FAM13B: variants seen among roughly 807,000 people sequenced by gnomAD.
FAM13B encodes the protein family with sequence similarity 13 member B.
Under a neutral mutation model 117.3 loss-of-function variants are expected in FAM13B, and 60 were observed. That is an observed-to-expected ratio of 0.51 (90% CI 0.42 to 0.63). FAM13B has a LOEUF of 0.63. Ranked by LOEUF, FAM13B falls within the 30% of genes least tolerant of loss-of-function variation. FAM13B has a pLI of 0.00. For missense variants in FAM13B, 972 were observed against 1,091.9 expected (o/e 0.89, Z 1.55); for synonymous variants, 332 against 356.1 (o/e 0.93, Z 0.76).
chr5:137,973,619 T>C (rs914058997), intron 10 of FAM13B, among the ~76,000 whole-genome samples: 1 of 152,098 alleles, frequency 6.6e-6, no homozygotes, highest in African/African-American at 2.4e-5. Flanking sequence ...GGGATCTGAT[T>C]AAAGAGCTTC....
At chr5:138,009,096 C>T (rs1783293111) in intron 6 of FAM13B, among the ~76,000 whole-genome samples, 2 of 152,172 alleles carry the variant, frequency 1.3e-5, no homozygotes, top group Non-Finnish European at 2.9e-5. Context: ...GCCAAGATCG[C>T]ACCACTGCAC....
intron 10 of FAM13B, among the ~76,000 whole-genome samples, chr5:137,982,852 C>T (rs545055776): frequency 1.3e-5 from 2 of 152,174 alleles, no homozygotes; most frequent in South Asian, 4.1e-4. Context: ...GTTACAGATG[C>T]CTCAGCTATG....
At chr5:137,983,686 C>G (rs1776459124) in intron 10 of FAM13B, among the ~76,000 whole-genome samples, 1 of 152,176 alleles carries the variant, frequency 6.6e-6, no homozygotes, top group Non-Finnish European at 1.5e-5. Flanking sequence ...GTGAAACTAA[C>G]AGTGGCAGCT....
At chr5:137,947,820 G>A in intron 18 of FAM13B, among the ~76,000 whole-genome samples, 1 of 151,974 alleles carries the variant, frequency 6.6e-6, no homozygotes, top group East Asian at 1.9e-4. Context: ...CCTGACCTCA[G>A]GTGATCCACC....
At chr5:138,034,903 C>T (rs115195081), upstream of FAM13B, among the ~76,000 whole-genome samples, 160 of 150,066 alleles carry the variant, frequency 1.1e-3, no homozygotes, top group African/African-American at 3.7e-3. Flanking sequence ...ATATGCAACA[C>T]AGGCTCTTGT....
chr5:137,943,615 C>T (rs1762511606), intron 20 of FAM13B, among the ~76,000 whole-genome samples: 1 of 152,058 alleles, frequency 6.6e-6, no homozygotes, highest in Non-Finnish European at 1.5e-5. Context: ...CGTGGTGGCA[C>T]GCACCTGTAG....
Position 137,943,044 on chromosome 5 carries a change from A to AAGGAGGAAG in FAM13B, c.2425-7_2425-6insCTTCCTCCT. 3.1e-6 allele frequency: 5 copies of AAGGAGGAAG among 1,612,636 alleles called. No homozygotes were observed. Among genetic ancestry groups the AAGGAGGAAG allele is most frequent in the Non-Finnish European group, 4.2e-6 (5 of 1,179,450 alleles). On this transcript the variant is annotated splice_polypyrimidine_tract_variant and splice_region_variant and intron_variant, in intron 21 of 23. Transcript: ENST00000689681. ...ACACCATCTTCTTCTTCCTCCTAAAAAGATATCCAAACAGAGAATCAAACA... is the reference window on the plus strand; with the variant it reads ...ACACCATCTTCTTCTTCCTCCTAAAAAGGAGGAAGAGATATCCAAACAGAGAATCAAACA...
intron 14 of FAM13B, 63 bp downstream of exon 14, chr5:137,956,413 TA>T (rs1766566856): frequency 1.7e-6 from 2 of 1,199,576 alleles, no homozygotes; most frequent in South Asian, 1.7e-5. Flanking sequence ...AAGGGCTTAA[TA>T]AAAAGACAAA....
intron 7 of FAM13B, among the ~76,000 whole-genome samples, chr5:137,990,395 C>T (rs932683812): frequency 3.3e-5 from 5 of 152,252 alleles, no homozygotes; most frequent in African/African-American, 1.2e-4. Flanking sequence ...CCTGAAGAAG[C>T]TCTCTAATTC....
In FAM13B at chr5:138,018,310, A is replaced by G; in HGVS notation, c.362T>C (p.Leu121Pro). 6.2e-7 allele frequency: 1 copy of G among 1,613,534 alleles called. No individual in the cohort carries two copies. Among genetic ancestry groups the G allele is most frequent in the Non-Finnish European group, 8.5e-7 (1 of 1,179,462 alleles). Residue 121 changes from leucine (L) to proline (P), a missense_variant, in exon 4 of 24, where the codon CTT becomes CCT. Coordinates refer to ENST00000689681, the MANE Select transcript of FAM13B (RefSeq NM_001385994.1). Reference protein sequence around the residue: ...PGSLHIHLMQLSQDYNNEDEF... With the variant: ...PGSLHIHLMQPSQDYNNEDEF... ...GTATCAAATTATGTTACCTTGAGAA[A>G]GCTGCATCAAGTGAATATGTAAACT...
chr5:138,036,594 CA>C, upstream of FAM13B: 1 of 456,596 alleles, frequency 2.2e-6, no homozygotes, highest in East Asian at 6.9e-5. Flanking sequence ...AGCTCACCAG[CA>C]ACAGTCTCCA....
chr5:137,990,006 AC>A (rs563165601), intron 7 of FAM13B, among the ~76,000 whole-genome samples: 88 of 152,310 alleles, frequency 5.8e-4, no homozygotes, highest in Non-Finnish European at 8.2e-4. Context: ...TAGAAAAAAA[AC>A]AAAAAGTAAA....
chr5:137,947,224 C>T (rs1023844282), intron 18 of FAM13B, among the ~76,000 whole-genome samples: 2 of 152,184 alleles, frequency 1.3e-5, no homozygotes, highest in Non-Finnish European at 1.5e-5. Context: ...TAATACCACC[C>T]TGGTCTCTCA....
rs1257404628 is a variant in FAM13B, at chr5:137,939,955, G to A, written c.*270C>T. On this transcript the variant is annotated 3_prime_UTR_variant, in exon 24 of 24. Coordinates refer to ENST00000689681, the MANE Select transcript of FAM13B (RefSeq NM_001385994.1). The stretch of plus-strand genomic sequence containing the variant: ...AATTCCAGTCTTTTGCTAAAAGGAT[G>A]TATCTGTAGTACAAAACAATGAAGT... 38 of 1,432,178 alleles carry A rather than the reference G, an allele frequency of 2.7e-5. No homozygotes were observed. Among genetic ancestry groups the A allele is most frequent in the Non-Finnish European group, 3.5e-5 (38 of 1,091,364 alleles). 88.7% of individuals were successfully genotyped at this position (1,432,178 alleles called of 1,614,324 possible). A position where few individuals can be genotyped will look rare whatever the true frequency, so the allele number is the denominator to read the frequency against.
At chr5:138,036,375 A>T (rs1211380542), upstream of FAM13B, 1 of 456,646 alleles carries the variant, frequency 2.2e-6, no homozygotes, top group Non-Finnish European at 4.4e-6. Context: ...TGCCCGAACA[A>T]ACTTGGGAGT....
chr5:138,022,645 A>G (rs968842573), intron 1 of FAM13B, among the ~76,000 whole-genome samples: 2 of 152,160 alleles, frequency 1.3e-5, no homozygotes. Context: ...AACTTCAGAG[A>G]TAAGTTATTT....
intron 7 of FAM13B, among the ~76,000 whole-genome samples, chr5:138,002,437 A>G (rs2150783753): frequency 6.6e-6 from 1 of 152,124 alleles, no homozygotes; most frequent in African/African-American, 2.4e-5. Flanking sequence ...AGACTGAGGC[A>G]GTAGAATTGA....
In FAM13B at chr5:137,941,974, A is replaced by T; in HGVS notation, c.2660T>A (p.Phe887Tyr). ...ATTTTGTTGATAAAATGCTTCTTCA[A>T]ATTCCCGCAACGTTTTGCGTAGTTT... Reference protein sequence around the residue: ...KKKLRKTLREFEEAFYQQNGR... With the variant: ...KKKLRKTLREYEEAFYQQNGR... Residue 887 changes from phenylalanine (F) to tyrosine (Y), a missense_variant, in exon 23 of 24, where the codon TTT (phenylalanine) becomes TAT (tyrosine). Phe to Tyr is a conservative substitution (Grantham distance 22, BLOSUM62 3). Transcript: ENST00000689681. 6.2e-7 allele frequency: 1 copy of T among 1,614,094 alleles called. No homozygotes were observed. Among genetic ancestry groups the T allele is most frequent in the East Asian group, 2.2e-5 (1 of 44,872 alleles).
chr5:137,954,536 G>GTATA (rs751982324), intron 14 of FAM13B, 160 bp from the exon 15 acceptor site: 24 of 355,126 alleles, frequency 6.8e-5, no homozygotes, highest in Middle Eastern at 1.6e-3. Flanking sequence ...ACATGTGTGT[G>GTATA]TGTATATATA....
Sources: gnomAD v4.1 joint callset for allele counts (sites outside exome capture counted in the v4.1 genomes callset) on GRCh38, gnomAD v4.1.1 for gene constraint, MANE v1.5 for transcripts, NCBI Gene and HGNC (gene_info 2026-07-23, HGNC 2026-07-21) for gene names.